Variants in NKAIN2 observed in about 807,000 individuals in gnomAD.
NKAIN2 encodes the protein sodium/potassium-transporting ATPase subunit beta-1-interacting protein 2.
In NKAIN2, 14 loss-of-function variants were observed where a neutral mutation model predicts 32.6. That is an observed-to-expected ratio of 0.43 (90% CI 0.28 to 0.67). NKAIN2 has a LOEUF of 0.67. Ranked by LOEUF, NKAIN2 falls within the 30% of genes least tolerant of loss-of-function variation. NKAIN2 has a pLI of 0.17. For missense variants in NKAIN2, 198 were observed against 258.3 expected (o/e 0.77, Z 1.60); for synonymous variants, 80 against 87.2 (o/e 0.92, Z 0.46).
chr6:124,169,011 C>T (rs1372041855), intron 1 of NKAIN2, among the ~76,000 whole-genome samples: 1 of 152,024 alleles, frequency 6.6e-6, no homozygotes, highest in Non-Finnish European at 1.5e-5. Context: ...GTAAAATGCT[C>T]TTCTTGTATA....
intron 1 of NKAIN2, among the ~76,000 whole-genome samples, chr6:124,131,168 A>G (rs1056571108): frequency 2.6e-5 from 4 of 152,110 alleles, no homozygotes; most frequent in African/African-American, 7.2e-5. Flanking sequence ...TTTTTTTGAT[A>G]CAGTCTTCCT....
intron 1 of NKAIN2, among the ~76,000 whole-genome samples, chr6:124,240,292 T>G (rs1793011854): frequency 6.6e-6 from 1 of 152,110 alleles, no homozygotes; most frequent in African/African-American, 2.4e-5. Flanking sequence ...CCAGACAGAT[T>G]CACAGCCAAA....
At chr6:124,430,234 G>A (rs1775157019) in intron 3 of NKAIN2, among the ~76,000 whole-genome samples, 1 of 152,136 alleles carries the variant, frequency 6.6e-6, no homozygotes, top group Non-Finnish European at 1.5e-5. Context: ...TGAGAAAATA[G>A]CTCAAGTTAT....
At chr6:124,042,382 C>T (rs186759217) in intron 1 of NKAIN2, among the ~76,000 whole-genome samples, 1 of 152,158 alleles carries the variant, frequency 6.6e-6, no homozygotes, top group African/African-American at 2.4e-5. Flanking sequence ...CTCTAGAGCA[C>T]ATGGCAACAT....
chr6:124,752,687 G>A (rs534435545), intron 4 of NKAIN2, among the ~76,000 whole-genome samples: 99 of 152,098 alleles, frequency 6.5e-4, no homozygotes, highest in Non-Finnish European at 1.1e-3. Context: ...TTGTGGGTAG[G>A]TCAGCAGAGC....
chr6:124,606,848 G>A (rs886424459), intron 3 of NKAIN2, among the ~76,000 whole-genome samples: 17 of 152,086 alleles, frequency 1.1e-4, no homozygotes, highest in African/African-American at 4.1e-4. Flanking sequence ...CAAAGAAGGG[G>A]TTAGAATCCA....
At chr6:124,510,410 A>G (rs1778665132) in intron 3 of NKAIN2, among the ~76,000 whole-genome samples, 1 of 152,130 alleles carries the variant, frequency 6.6e-6, no homozygotes, top group Non-Finnish European at 1.5e-5. Flanking sequence ...GCTGTATGAC[A>G]TTTTGACTTT....
intron 1 of NKAIN2, among the ~76,000 whole-genome samples, chr6:124,151,781 CATCTTGATATTATCTTTCAT>C (rs1787738494): frequency 6.6e-6 from 1 of 151,900 alleles, no homozygotes; most frequent in African/African-American, 2.4e-5. Context: ...GCTTATTATG[CATCTTGATATTATCTTTCAT>C]GAAGTACTTG....
At chr6:124,001,204 T>C (rs1207075962) in intron 1 of NKAIN2, among the ~76,000 whole-genome samples, 1 of 152,086 alleles carries the variant, frequency 6.6e-6, no homozygotes, top group African/African-American at 2.4e-5. Flanking sequence ...TAAACTTTTT[T>C]TTTTTGGCTC....
chr6:124,809,315 C>G (rs1444332489), intron 5 of NKAIN2, among the ~76,000 whole-genome samples: 2 of 150,406 alleles, frequency 1.3e-5, no homozygotes, highest in Non-Finnish European at 3.0e-5. Context: ...ACAGAGCCCT[C>G]AGAAATAACG....
intron 1 of NKAIN2, among the ~76,000 whole-genome samples, chr6:123,918,246 C>T (rs1775587619): frequency 6.6e-6 from 1 of 152,080 alleles, no homozygotes; most frequent in Non-Finnish European, 1.5e-5. Flanking sequence ...TGCTGATTGG[C>T]AAGACTTGAG....
rs556009763 is a variant in NKAIN2, at chr6:124,583,267, A to G, written c.274-74919A>G. On this transcript the variant is annotated intron_variant, in intron 3 of 6. Coordinates refer to ENST00000368417, the MANE Select transcript of NKAIN2 (RefSeq NM_001040214.3). ...AACATTAAAATTGATAAACACATTC[A>G]GTAATGTGGCAGGATACAAAATCAA... 2.0e-5 allele frequency among the ~76,000 whole-genome samples: 3 copies of G among 151,786 alleles called. No homozygotes were observed. The South Asian group carries it at 6.2e-4, about 32-fold the overall frequency.
At chr6:124,802,139 G>C (rs2114833938) in intron 5 of NKAIN2, among the ~76,000 whole-genome samples, 1 of 152,270 alleles carries the variant, frequency 6.6e-6, no homozygotes, top group Non-Finnish European at 1.5e-5. Context: ...TGTTAGCAAA[G>C]ATTACAAGGT....
intron 3 of NKAIN2, among the ~76,000 whole-genome samples, chr6:124,642,721 T>A (rs1784036144): frequency 6.6e-6 from 1 of 152,202 alleles, no homozygotes. Flanking sequence ...GTTGTAAAGA[T>A]GAAATGCATA....
intron 1 of NKAIN2, among the ~76,000 whole-genome samples, chr6:123,909,452 C>T (rs1475888640): frequency 6.6e-6 from 1 of 152,168 alleles, no homozygotes; most frequent in Admixed American, 6.5e-5. Context: ...ACCATCAGTC[C>T]TGCCACCCTC....
At chr6:124,360,241 G>T (rs1158214200) in intron 3 of NKAIN2, among the ~76,000 whole-genome samples, 2 of 150,834 alleles carry the variant, frequency 1.3e-5, no homozygotes, top group African/African-American at 4.9e-5. Flanking sequence ...CTCTTTTTTG[G>T]TTGTGTCTCT....
At chr6:124,221,607 A>T (rs1459419692) in intron 1 of NKAIN2, among the ~76,000 whole-genome samples, 7 of 152,178 alleles carry the variant, frequency 4.6e-5, no homozygotes, top group Non-Finnish European at 1.0e-4. Context: ...GTAGAATGTT[A>T]CCAGTAAGAG....
intron 1 of NKAIN2, among the ~76,000 whole-genome samples, chr6:123,874,955 T>C (rs1443296294): frequency 6.6e-6 from 1 of 152,010 alleles, no homozygotes; most frequent in Non-Finnish European, 1.5e-5. Flanking sequence ...ATAAAGGATA[T>C]GAATATTTTA....
At chr6:124,034,210 T>A (rs140495047) in intron 1 of NKAIN2, among the ~76,000 whole-genome samples, 1 of 152,162 alleles carries the variant, frequency 6.6e-6, no homozygotes, top group East Asian at 1.9e-4. Flanking sequence ...GGGCTTCGAC[T>A]TCTATTGAAT....
Sources: gnomAD v4.1 joint callset for allele counts (sites outside exome capture counted in the v4.1 genomes callset) on GRCh38, gnomAD v4.1.1 for gene constraint, MANE v1.5 for transcripts, NCBI Gene and HGNC (gene_info 2026-07-23, HGNC 2026-07-21) for gene names.